Variants in ARHGEF3 observed in about 807,000 individuals in gnomAD.
ARHGEF3 encodes the protein Rho guanine nucleotide exchange factor 3, also known as 59.8 kDA protein.
In ARHGEF3, 28 loss-of-function variants were observed where a neutral mutation model predicts 63.2. The ratio of observed to expected loss-of-function variants is 0.44; its 90% CI spans 0.33 to 0.61. The LOEUF is 0.61. Among genes scored for constraint, ARHGEF3 ranks in the 20% least tolerant of loss-of-function variants. The probability of loss-of-function intolerance (pLI) is 0.03; values close to 1 mark genes in which losing one functional copy is unlikely to be tolerated. For synonymous variants in ARHGEF3, 266 were observed against 254.2 expected (o/e 1.05, Z -0.44); for missense variants, 533 against 659.3 (o/e 0.81, Z 2.10).
At chr3:56,887,478 T>C (rs28380666) in intron 3 of ARHGEF3, among the ~76,000 whole-genome samples, 3 of 152,188 alleles carry the variant, frequency 2.0e-5, no homozygotes, top group Admixed American at 2.0e-4. Flanking sequence ...GTGAGGATCA[T>C]AGATGTTGGG....
intron 2 of ARHGEF3, among the ~76,000 whole-genome samples, chr3:57,013,968 T>C (rs1035494749): frequency 6.6e-6 from 1 of 152,220 alleles, no homozygotes; most frequent in Non-Finnish European, 1.5e-5. Flanking sequence ...TTTGTTCCTC[T>C]GCTCTTTGCA....
chr3:56,855,192 T>A (rs1208199185), intron 4 of ARHGEF3, among the ~76,000 whole-genome samples: 1 of 152,018 alleles, frequency 6.6e-6, no homozygotes, highest in East Asian at 1.9e-4. Context: ...GTGCCTGCAG[T>A]CACCAAAGGG....
rs776884000 is a variant in ARHGEF3, at chr3:56,933,804, C to A, written c.129+25019G>T. ...ATATGGTCTGACTCTGTGTCCCCAC[C>A]CAAATCTCCTCTCAAATTGTAATCC... On this transcript the variant is annotated intron_variant, in intron 3 of 12. Transcript: ENST00000338458. Among the ~76,000 whole-genome samples, 8 of 152,102 alleles carry A rather than the reference C, an allele frequency of 5.3e-5. 1 individual carries two copies. Among genetic ancestry groups the A allele is most frequent in the Non-Finnish European group, 1.0e-4 (7 of 68,016 alleles).
rs3732507 is a variant in ARHGEF3, at chr3:56,801,761, T to C, written c.38A>G (p.Lys13Arg). The change falls in exon 1 of 10, where the codon AAG (lysine) becomes AGG (arginine). Residue 13 changes from lysine (K) to arginine (R), a missense_variant. By Grantham distance (26) the Lys-to-Arg change is conservative. Around this residue, in one of 4 missense-constraint regions of ARHGEF3, gnomAD observed 160 missense variants for 157.3 expected, o/e 1.02. Transcript: ENST00000296315. ...TAGCTCCAGGCTGCAGTTCGCTCTCTTGACCGTGAGGTAGAAGGGGTAATC... is the reference window on the plus strand; with the variant it reads ...TAGCTCCAGGCTGCAGTTCGCTCTCCTGACCGTGAGGTAGAAGGGGTAATC... Reference protein sequence around the residue: ...AKDYPFYLTVKRANCSLELPP... With the variant: ...AKDYPFYLTVRRANCSLELPP... 209 of 1,569,892 alleles carry C rather than the reference T, an allele frequency of 1.3e-4. 1 individual carries two copies. In the East Asian group the frequency reaches 4.7e-3, roughly 35 times the overall value.
rs536352472 is a variant in ARHGEF3, at chr3:56,866,218, G to A, written c.192+16074C>T. On this transcript the variant is annotated intron_variant, in intron 4 of 12. Coordinates refer to the ARHGEF3 transcript ENST00000338458. Reference sequence around the variant, plus strand: ...CACCTTTCTTTATTAGCATGATTAAGCTGAGTAGATCATCAGGTCCATTTT... The same window carrying A: ...CACCTTTCTTTATTAGCATGATTAAACTGAGTAGATCATCAGGTCCATTTT... Among the ~76,000 whole-genome samples the A allele has an allele frequency of 2.0e-5, 3 of 152,198 alleles. No individual in the cohort carries two copies. The South Asian group carries it at 6.2e-4, about 32-fold the overall frequency.
chr3:57,063,959 C>T (rs7355968), intron 1 of ARHGEF3, among the ~76,000 whole-genome samples: 9,258 of 152,254 alleles, frequency 0.061, 916 homozygotes, highest in African/African-American at 0.21. Flanking sequence ...GAATAATATT[C>T]TGCCTTAAAA....
intron 4 of ARHGEF3, among the ~76,000 whole-genome samples, chr3:56,753,005 G>C (rs79135127): frequency 0.015 from 2,238 of 152,186 alleles, 43 homozygotes; most frequent in African/African-American, 0.051. Flanking sequence ...TTTGAGGAAG[G>C]TTTGTTGTCC....
At chr3:56,813,849 C>T (rs924518632) in intron 4 of ARHGEF3, among the ~76,000 whole-genome samples, 3 of 152,256 alleles carry the variant, frequency 2.0e-5, no homozygotes, top group African/African-American at 7.2e-5. Flanking sequence ...TTCCTCCCTC[C>T]CACACCCCCA....
chr3:56,907,346 C>T (rs2041719501), intron 3 of ARHGEF3, among the ~76,000 whole-genome samples: 1 of 152,148 alleles, frequency 6.6e-6, no homozygotes, highest in Non-Finnish European at 1.5e-5. Context: ...CCGATTTTAG[C>T]ATCTTTCTTT....
chr3:56,951,059 C>A (rs1195825292), intron 3 of ARHGEF3, among the ~76,000 whole-genome samples: 7 of 151,428 alleles, frequency 4.6e-5, no homozygotes, highest in Non-Finnish European at 1.0e-4. Flanking sequence ...TGTTCTCACT[C>A]ATAGGTGGGA....
intron 2 of ARHGEF3, among the ~76,000 whole-genome samples, chr3:57,000,612 A>C (rs1158025986): frequency 6.6e-6 from 1 of 151,946 alleles, no homozygotes; most frequent in African/African-American, 2.4e-5. Flanking sequence ...GGCTCACTGC[A>C]ACCTCTGCCT....
intron 1 of ARHGEF3, among the ~76,000 whole-genome samples, chr3:57,054,537 C>G (rs955425841): frequency 6.6e-6 from 1 of 150,960 alleles, no homozygotes; most frequent in African/African-American, 2.4e-5. Flanking sequence ...ACTCGGGAGG[C>G]TGAGGTGGGA....
chr3:56,923,539 T>TC (rs1489189975), intron 3 of ARHGEF3, among the ~76,000 whole-genome samples: 2 of 152,112 alleles, frequency 1.3e-5, no homozygotes, highest in African/African-American at 4.8e-5. Flanking sequence ...TTTCCCTTCT[T>TC]CCTTCCAATA....
At chr3:56,967,407 TTATATATTA>T (rs1312601829) in intron 2 of ARHGEF3, among the ~76,000 whole-genome samples, 1 of 80,622 alleles carries the variant, frequency 1.2e-5, no homozygotes, top group African/African-American at 4.8e-5. Flanking sequence ...ATATAATATA[TTATATATTA>T]TACATATTAT....
At chr3:57,022,223 A>G in intron 2 of ARHGEF3, among the ~76,000 whole-genome samples, 1 of 151,952 alleles carries the variant, frequency 6.6e-6, no homozygotes, top group Admixed American at 6.6e-5. Flanking sequence ...GCAGTGAGCT[A>G]TGATCACCTC....
chr3:56,902,679 G>A (rs556573473), intron 3 of ARHGEF3, among the ~76,000 whole-genome samples: 2 of 152,340 alleles, frequency 1.3e-5, no homozygotes, highest in East Asian at 3.9e-4. Context: ...AGGACCCTGT[G>A]TGCCTGCCCA....
At chr3:56,856,082 G>C (rs1032392483) in intron 4 of ARHGEF3, among the ~76,000 whole-genome samples, 1 of 152,178 alleles carries the variant, frequency 6.6e-6, no homozygotes, top group African/African-American at 2.4e-5. Context: ...GGAAGATGTG[G>C]GGCCAGGGGC....
At chr3:56,735,341 T>G (rs963903960) in intron 8 of ARHGEF3, among the ~76,000 whole-genome samples, 2 of 152,038 alleles carry the variant, frequency 1.3e-5, no homozygotes, top group African/African-American at 4.8e-5. Flanking sequence ...CACTGATAAT[T>G]TCTCTTATTG....
At chr3:56,910,553 T>C (rs2108335367) in intron 3 of ARHGEF3, among the ~76,000 whole-genome samples, 1 of 152,316 alleles carries the variant, frequency 6.6e-6, no homozygotes, top group East Asian at 1.9e-4. Context: ...AGGAAACACA[T>C]TTCCAACCTG....
Sources: gnomAD v4.1 joint callset for allele counts (sites outside exome capture counted in the v4.1 genomes callset) on GRCh38, gnomAD v4.1.1 for gene constraint, gnomAD v4.1.1 regional missense constraint, MANE v1.5 for transcripts, NCBI Gene and HGNC (gene_info 2026-07-23, HGNC 2026-07-21) for gene names.